The following RNF128 variants were observed in gnomAD, a reference collection of about 807,000 sequenced individuals.
The protein encoded by RNF128 is ring finger protein 128.
In RNF128, 13 loss-of-function variants were observed where a neutral mutation model predicts 26.2. The ratio of observed to expected loss-of-function variants is 0.50; its 90% CI spans 0.32 to 0.79. The LOEUF (loss-of-function observed/expected upper bound fraction) is 0.79. RNF128 is among the 30% of genes least tolerant of loss of function. The pLI is 0.03. For missense variants in RNF128, 315 were observed against 349.7 expected (o/e 0.90, Z 0.79); for synonymous variants, 149 against 142.5 (o/e 1.05, Z -0.32).
chrX:106,739,248 A>G (rs1428963185), intron 1 of RNF128, among the ~76,000 whole-genome samples: 1 of 108,158 alleles, frequency 9.2e-6, no homozygotes, highest in African/African-American at 3.4e-5. Flanking sequence ...CAACCTCTAC[A>G]TCCCGGGTTC....
chrX:106,733,526 C>T (rs779015907), intron 1 of RNF128, among the ~76,000 whole-genome samples: 1 of 111,314 alleles, frequency 9.0e-6, no homozygotes, highest in Admixed American at 9.6e-5. Context: ...ACACAGATGA[C>T]ACCATTAATA....
intron 1 of RNF128, among the ~76,000 whole-genome samples, chrX:106,708,737 A>G (rs1287860911): frequency 6.2e-5 from 7 of 112,064 alleles, no homozygotes; most frequent in African/African-American, 9.7e-5. Flanking sequence ...CTTGAAAATA[A>G]TAGGGCTGCA....
intron 1 of RNF128, among the ~76,000 whole-genome samples, chrX:106,757,844 A>G (rs1930052375): frequency 8.9e-6 from 1 of 112,350 alleles, no homozygotes; most frequent in Non-Finnish European, 1.9e-5. Context: ...CATATTGAAT[A>G]GGGAAAAACT....
intron 1 of RNF128, among the ~76,000 whole-genome samples, chrX:106,771,645 G>A (rs752411932): frequency 1.8e-5 from 2 of 112,616 alleles, no homozygotes; most frequent in South Asian, 3.7e-4. Context: ...TTCCAGGTAC[G>A]GTCTGTCACG....
At chrX:106,793,100 T>A (rs1469404235) in intron 6 of RNF128, among the ~76,000 whole-genome samples, 2 of 111,359 alleles carry the variant, frequency 1.8e-5, no homozygotes, top group Non-Finnish European at 3.8e-5. Flanking sequence ...GGAGGGCTTA[T>A]TAAAACGGAA....
At chrX:106,757,888 G>A (rs1343488533) in intron 1 of RNF128, among the ~76,000 whole-genome samples, 2 of 111,840 alleles carry the variant, frequency 1.8e-5, no homozygotes. Context: ...GAACAGGACA[G>A]ATATATCCAC....
exon 1 of RNF128, chrX:106,693,997 T>A (rs1296157357): frequency 2.3e-5 from 27 of 1,179,359 alleles, no homozygotes; most frequent in Non-Finnish European, 3.0e-5. Context: ...CTCAAATGAA[T>A]GAGCAATGAA....
intron 1 of RNF128, among the ~76,000 whole-genome samples, chrX:106,768,349 C>CT (rs961821428): frequency 1.8e-5 from 2 of 111,061 alleles, no homozygotes; most frequent in African/African-American, 6.5e-5. Flanking sequence ...TGGTCCTGGA[C>CT]TTTTTTTGGT....
intron 6 of RNF128, among the ~76,000 whole-genome samples, chrX:106,791,777 A>T (rs1376562274): frequency 9.0e-6 from 1 of 111,506 alleles, no homozygotes; most frequent in Non-Finnish European, 1.9e-5. Context: ...TTCAAAATTC[A>T]TGTGAATTTG....
chrX:106,701,651 G>T (rs1452466171), intron 1 of RNF128, among the ~76,000 whole-genome samples: 1 of 111,478 alleles, frequency 9.0e-6, no homozygotes, highest in Non-Finnish European at 1.9e-5. Context: ...TAGTGCCCTG[G>T]ATAAAACAAT....
intron 1 of RNF128, among the ~76,000 whole-genome samples, chrX:106,758,520 T>C (rs1930065877): frequency 9.0e-6 from 1 of 111,714 alleles, no homozygotes; most frequent in Non-Finnish European, 1.9e-5. Flanking sequence ...ACATATTACC[T>C]GACTTTAAAT....
chrX:106,792,556 C>A (rs1178404623), intron 6 of RNF128, among the ~76,000 whole-genome samples: 1 of 111,357 alleles, frequency 9.0e-6, no homozygotes, highest in Non-Finnish European at 1.9e-5. Context: ...GTTCTCAATT[C>A]TGTCCCCTAA....
upstream of RNF128, among the ~76,000 whole-genome samples, chrX:106,723,259 G>T (rs1929343827): frequency 8.9e-6 from 1 of 111,744 alleles, no homozygotes; most frequent in Non-Finnish European, 1.9e-5. Context: ...CATGCATATT[G>T]AGTCCGTACG....
intron 1 of RNF128, among the ~76,000 whole-genome samples, chrX:106,700,493 C>A (rs543252259): frequency 8.9e-6 from 1 of 112,093 alleles, no homozygotes; most frequent in South Asian, 3.7e-4. Flanking sequence ...CAAAACAATT[C>A]TCTTTTATAT....
At chrX:106,717,753 TTTTGTTCCTTAA>T (rs1002560446) in intron 1 of RNF128, among the ~76,000 whole-genome samples, 1 of 112,253 alleles carries the variant, frequency 8.9e-6, no homozygotes, top group African/African-American at 3.2e-5. Flanking sequence ...GATAAAAATG[TTTTGTTCCTTAA>T]TTTGTATACT....
At chrX:106,764,565 G>A (rs1259299028) in intron 1 of RNF128, among the ~76,000 whole-genome samples, 1 of 109,662 alleles carries the variant, frequency 9.1e-6, no homozygotes, top group East Asian at 2.9e-4. Flanking sequence ...TACTCGGGAG[G>A]CTGAAGCAGG....
At position 106,796,707 on chromosome X, in the gene RNF128, G is replaced by T. The variant is rs763923095; in HGVS notation, c.*994G>T. 3 of 111,308 alleles carry T rather than the reference G, an allele frequency of 2.7e-5. No homozygotes were observed. The highest frequency in any genetic ancestry group is 3.8e-4 in the South Asian group (1 of 2,644). 9.2% of individuals were successfully genotyped at this position (111,308 alleles called of 1,213,427 possible). ...ATTTTCCTGGTGTTTGAAAAAGAAG[G>T]GGGGGAGAATTCCAGGTGCCTTAAT... is the stretch of plus-strand genomic sequence containing the variant. On this transcript the variant is annotated 3_prime_UTR_variant, in exon 7 of 7. Coordinates refer to ENST00000255499, the MANE Select transcript of RNF128 (RefSeq NM_194463.2).
At chrX:106,717,130 G>A (rs752080641) in intron 1 of RNF128, among the ~76,000 whole-genome samples, 1 of 109,466 alleles carries the variant, frequency 9.1e-6, no homozygotes, top group Admixed American at 9.6e-5. Context: ...GTGGACCCGG[G>A]AGGCGGAGCT....
At chrX:106,790,361 T>G in intron 5 of RNF128, 79 bp downstream of exon 5, 1 of 682,102 alleles carries the variant, frequency 1.5e-6, no homozygotes, top group Non-Finnish European at 2.3e-6. Context: ...TCCTTATTTT[T>G]TCGCTATGTA....
Sources: gnomAD v4.1 joint callset for allele counts (sites outside exome capture counted in the v4.1 genomes callset) on GRCh38, gnomAD v4.1.1 for gene constraint, MANE v1.5 for transcripts, NCBI Gene and HGNC (gene_info 2026-07-23, HGNC 2026-07-21) for gene names.